The following VOPP1 variants were observed in gnomAD, a reference collection of about 807,000 sequenced individuals.
The protein encoded by VOPP1 is WW domain binding protein VOPP1.
A neutral mutation model predicts 23.5 loss-of-function variants in VOPP1; 8 were observed. The ratio of observed to expected loss-of-function variants is 0.34; its 90% confidence interval spans 0.20 to 0.61. The LOEUF (loss-of-function observed/expected upper bound fraction) is 0.61. Among genes scored for constraint, VOPP1 ranks in the 20% least tolerant of loss-of-function variants. The pLI, the probability that VOPP1 is intolerant of heterozygous loss-of-function variation, is 0.78. For missense variants in VOPP1, 174 were observed against 238.1 expected (o/e 0.73, Z 1.77); for synonymous variants, 83 against 97.3 (o/e 0.85, Z 0.86).
chr7:55,551,984 G>A (rs1276620835), intron 1 of VOPP1, among the ~76,000 whole-genome samples: 1 of 139,734 alleles, frequency 7.2e-6, no homozygotes, highest in African/African-American at 2.8e-5. Flanking sequence ...AGGTTGCAGT[G>A]ACCCTGCAGC....
intron 4 of VOPP1, among the ~76,000 whole-genome samples, chr7:55,461,313 A>G (rs1791495551): frequency 6.6e-6 from 1 of 152,142 alleles, no homozygotes; most frequent in Non-Finnish European, 1.5e-5. Context: ...GGGTGCATCA[A>G]AATCTCACAA....
intron 2 of VOPP1, among the ~76,000 whole-genome samples, chr7:55,501,504 T>C (rs768923840): frequency 2.6e-5 from 4 of 152,208 alleles, no homozygotes; most frequent in Non-Finnish European, 4.4e-5. Context: ...TCTCCCTGAC[T>C]GTAAGGTCAC....
At chr7:55,530,344 T>A (rs1423313807) in intron 1 of VOPP1, among the ~76,000 whole-genome samples, 3 of 152,186 alleles carry the variant, frequency 2.0e-5, no homozygotes. Flanking sequence ...ACCAATGATG[T>A]AAGACTCTTT....
At chr7:55,551,753 T>C (rs1797614548) in intron 1 of VOPP1, among the ~76,000 whole-genome samples, 1 of 151,910 alleles carries the variant, frequency 6.6e-6, no homozygotes, top group South Asian at 2.1e-4. Context: ...AAAATACATG[T>C]TGAAGGCTGG....
At chr7:55,549,931 T>C (rs376129164) in intron 1 of VOPP1, among the ~76,000 whole-genome samples, 2 of 152,186 alleles carry the variant, frequency 1.3e-5, no homozygotes, top group South Asian at 4.1e-4. Context: ...ATCCCCATCA[T>C]GGTCACTGCA....
At chr7:55,540,347 G>A (rs1357216416) in intron 1 of VOPP1, among the ~76,000 whole-genome samples, 3 of 151,642 alleles carry the variant, frequency 2.0e-5, no homozygotes, top group Non-Finnish European at 4.4e-5. Flanking sequence ...GCAGTGAGCC[G>A]AGATCGCGCT....
At chr7:55,499,318 T>C (rs1473376683) in intron 2 of VOPP1, among the ~76,000 whole-genome samples, 1 of 152,172 alleles carries the variant, frequency 6.6e-6, no homozygotes, top group Non-Finnish European at 1.5e-5. Flanking sequence ...CTGGGCATAG[T>C]GTGTGCACCT....
chr7:55,443,118 C>CA (rs1413165223), intron 4 of VOPP1, among the ~76,000 whole-genome samples: 1 of 150,464 alleles, frequency 6.6e-6, no homozygotes, highest in African/African-American at 2.5e-5. Context: ...GACTCCGTCT[C>CA]AAAAAAATAA....
At chr7:55,532,984 AAGAG>A (rs1460893632) in intron 1 of VOPP1, among the ~76,000 whole-genome samples, 19 of 152,334 alleles carry the variant, frequency 1.2e-4, no homozygotes, top group Admixed American at 2.6e-4. Flanking sequence ...TTTGGGGAGA[AAGAG>A]AGTCAGTTCC....
At position 55,572,357 on chromosome 7, in the gene VOPP1, G is replaced by T; in HGVS notation, c.-33C>A. ...CGCGTCCTCTCCAGCGCGCCCGGAC[G>T]CCGGGTCGCAGGCGCGCTTCGCGAC... On this transcript the variant is annotated 5_prime_UTR_variant, in exon 1 of 5. Transcript: ENST00000285279. 7.6e-7 allele frequency: 1 copy of T among 1,319,026 alleles called. No homozygotes were observed. Among genetic ancestry groups the T allele is most frequent in the Non-Finnish European group, 9.7e-7 (1 of 1,034,276 alleles). The allele number at this position is 1,319,026 out of a possible 1,614,324, so 81.7% of individuals were successfully genotyped here.
intron 1 of VOPP1, among the ~76,000 whole-genome samples, chr7:55,551,180 T>C (rs1384459639): frequency 2.0e-5 from 3 of 152,214 alleles, no homozygotes; most frequent in Non-Finnish European, 4.4e-5. Context: ...CAGACTTCTC[T>C]ACAGCAAGGC....
intron 2 of VOPP1, among the ~76,000 whole-genome samples, chr7:55,509,117 T>C (rs945668035): frequency 2.0e-5 from 3 of 152,166 alleles, no homozygotes; most frequent in African/African-American, 7.2e-5. Flanking sequence ...AATACTAAAG[T>C]AATGAGCTGA....
At chr7:55,567,046 C>A (rs1051798723) in intron 1 of VOPP1, among the ~76,000 whole-genome samples, 3 of 152,178 alleles carry the variant, frequency 2.0e-5, no homozygotes, top group African/African-American at 7.2e-5. Flanking sequence ...AAAGTTGATA[C>A]TTTGTCTTAA....
intron 1 of VOPP1, among the ~76,000 whole-genome samples, chr7:55,542,500 G>T (rs1309069520): frequency 6.6e-6 from 1 of 152,108 alleles, no homozygotes; most frequent in Non-Finnish European, 1.5e-5. Flanking sequence ...ATATGATTAA[G>T]AACAGGCAGG....
chr7:55,534,540 G>C (rs149085027), intron 1 of VOPP1, among the ~76,000 whole-genome samples: 153 of 152,310 alleles, frequency 1.0e-3, no homozygotes, highest in African/African-American at 3.6e-3. Context: ...CTGCTTTTGA[G>C]CTCGCTCTGC....
At chr7:55,505,464 G>A (rs543977143) in intron 2 of VOPP1, among the ~76,000 whole-genome samples, 2 of 152,030 alleles carry the variant, frequency 1.3e-5, no homozygotes, top group Non-Finnish European at 2.9e-5. Flanking sequence ...GGGTGACGTG[G>A]TAAGACGGAA....
At chr7:55,467,119 A>G (rs982382765), downstream of VOPP1, among the ~76,000 whole-genome samples, 3 of 152,238 alleles carry the variant, frequency 2.0e-5, no homozygotes, top group Non-Finnish European at 4.4e-5. Flanking sequence ...CTGATCAGAC[A>G]GGAGACAGAG....
At chr7:55,519,529 G>T (rs185693202) in intron 2 of VOPP1, among the ~76,000 whole-genome samples, 7 of 149,420 alleles carry the variant, frequency 4.7e-5, no homozygotes, top group Admixed American at 4.6e-4. Context: ...TAGGCGTACT[G>T]ATGAAAATTC....
In VOPP1 at chr7:55,515,170, G is replaced by A. The variant is rs575746566; in HGVS notation, c.113+5902C>T. Among the ~76,000 whole-genome samples, 6 of 152,328 alleles carry A rather than the reference G, an allele frequency of 3.9e-5. 1 individual carries two copies. Among genetic ancestry groups the A allele is most frequent in the African/African-American group, 1.4e-4 (6 of 41,566 alleles). On this transcript the variant is annotated intron_variant, in intron 2 of 4. Coordinates refer to ENST00000285279, the MANE Select transcript of VOPP1 (RefSeq NM_030796.5). ...TAAGCTGGGTGGCCTCTGGGGGGCT[G>A]AGGAGCACCTGGGCTGGAAATCTCA...
Sources: allele counts gnomAD v4.1 joint callset (sites outside exome capture counted in the v4.1 genomes callset), GRCh38; gene constraint gnomAD v4.1.1; transcripts MANE v1.5; gene names NCBI Gene and HGNC (gene_info 2026-07-23, HGNC 2026-07-21).